TMEM260: variants seen among roughly 807,000 people sequenced by gnomAD.
TMEM260 encodes the protein transmembrane protein 260.
Under a neutral mutation model 88.9 loss-of-function variants are expected in TMEM260, and 82 were observed. That is an observed-to-expected ratio of 0.92 (90% CI 0.77 to 1.11). The LOEUF is 1.11. Ranked by LOEUF, TMEM260 falls within the 50% of genes least tolerant of loss-of-function variation. TMEM260 has a pLI of 0.00. For synonymous variants in TMEM260, 314 were observed against 309.3 expected (o/e 1.02, Z -0.16); for missense variants, 902 against 853.4 (o/e 1.06, Z -0.71).
intron 12 of TMEM260, 115 bp from the exon 13 acceptor site, chr14:56,632,880 A>G: frequency 2.1e-6 from 2 of 969,340 alleles, no homozygotes; most frequent in Non-Finnish European, 3.0e-6. Flanking sequence ...TTCCAAAATC[A>G]TATAGGTAAT....
At chr14:56,581,464 A>G (rs1000651529) in intron 1 of TMEM260, among the ~76,000 whole-genome samples, 5 of 152,324 alleles carry the variant, frequency 3.3e-5, no homozygotes, top group Admixed American at 2.6e-4. Context: ...TCATAATGGA[A>G]GTAACTTTAT....
At chr14:56,643,248 C>CA (rs1399937781) in intron 15 of TMEM260, among the ~76,000 whole-genome samples, 1 of 152,112 alleles carries the variant, frequency 6.6e-6, no homozygotes, top group Non-Finnish European at 1.5e-5. Context: ...AACATTGATG[C>CA]AAAAATCCTC....
At chr14:56,653,737 A>AAAACAAAAAAAAAAC (rs1221633458), downstream of TMEM260, among the ~76,000 whole-genome samples, 13 of 83,862 alleles carry the variant, frequency 1.6e-4, no homozygotes, top group African/African-American at 5.5e-4. Context: ...TCTTGTCTCC[A>AAAACAAAAAAAAAAC]AAACAAAAAA....
chr14:56,639,424 A>T (rs1889390611), intron 15 of TMEM260, among the ~76,000 whole-genome samples: 1 of 152,202 alleles, frequency 6.6e-6, no homozygotes, highest in Non-Finnish European at 1.5e-5. Context: ...GTACCTTATA[A>T]ATATATACAC....
intron 13 of TMEM260, among the ~76,000 whole-genome samples, chr14:56,634,024 A>C (rs941025679): frequency 2.0e-5 from 3 of 152,240 alleles, no homozygotes; most frequent in African/African-American, 4.8e-5. Context: ...TGCAGCCGTC[A>C]TGAGAAAAAG....
intron 1 of TMEM260, among the ~76,000 whole-genome samples, 195 bp from the exon 2 acceptor site, chr14:56,584,806 C>G (rs1203599175): frequency 6.6e-6 from 1 of 152,074 alleles, no homozygotes; most frequent in Admixed American, 6.6e-5. Context: ...TAAAGACTAT[C>G]AAAGATAGTT....
chr14:56,637,334 G>C (rs550681178), intron 15 of TMEM260, among the ~76,000 whole-genome samples: 4 of 152,292 alleles, frequency 2.6e-5, no homozygotes, highest in South Asian at 2.1e-4. Context: ...GAGATTTCAC[G>C]AGAAGAGATG....
intron 4 of TMEM260, 141 bp downstream of exon 4, chr14:56,604,133 C>A: frequency 1.2e-6 from 1 of 805,954 alleles, no homozygotes; most frequent in Non-Finnish European, 1.8e-6. Context: ...AGAAAATGAT[C>A]TCAGTCTTTT....
At chr14:56,587,990 C>T (rs1231457472) in intron 3 of TMEM260, among the ~76,000 whole-genome samples, 2 of 152,196 alleles carry the variant, frequency 1.3e-5, no homozygotes, top group Admixed American at 6.5e-5. Context: ...ATAAACCCAA[C>T]AGCAGGACAC....
chr14:56,632,258 G>C (rs1320849569), intron 12 of TMEM260, among the ~76,000 whole-genome samples: 3 of 152,122 alleles, frequency 2.0e-5, no homozygotes, highest in African/African-American at 7.2e-5. Context: ...CTTCTGCTGT[G>C]CCCTTCCTGT....
chr14:56,653,735 C>CAAAAAAAAAAAAAAAAA, downstream of TMEM260, among the ~76,000 whole-genome samples: 1 of 11,008 alleles, frequency 9.1e-5, no homozygotes, highest in South Asian at 3.4e-3. Context: ...ACTCTTGTCT[C>CAAAAAAAAAAAAAAAAA]CAAAACAAAA....
chr14:56,618,995 A>G (rs1249709467), intron 10 of TMEM260, among the ~76,000 whole-genome samples: 1 of 152,208 alleles, frequency 6.6e-6, no homozygotes, highest in Non-Finnish European at 1.5e-5. Flanking sequence ...GTGCGTGTAG[A>G]CAATTTGTAT....
rs145819620 is a variant in TMEM260 at position 56,593,491 on chromosome 14, A to G, written c.344+7579A>G. Among the ~76,000 whole-genome samples, 495 of 152,096 alleles carry G rather than the reference A, an allele frequency of 3.3e-3. 7 individuals are homozygous for G. Among genetic ancestry groups the G allele is most frequent in the Admixed American group, 0.025 (383 of 15,262 alleles). On this transcript the variant is annotated intron_variant, in intron 3 of 15. Transcript: ENST00000261556. ...ATCTACTTCAAACATACTGTAAAGT[A>G]TATTTTTTATATAAAGTATAAAATT...
intron 10 of TMEM260, 135 bp downstream of exon 10, chr14:56,618,898 G>C: frequency 1.2e-6 from 1 of 837,594 alleles, no homozygotes. Flanking sequence ...GAATGCAGTA[G>C]TTCTTTAACT....
chr14:56,657,534 C>G, the TMEM260 span, among the ~76,000 whole-genome samples: 2 of 152,182 alleles, frequency 1.3e-5, no homozygotes, highest in African/African-American at 4.8e-5. Context: ...GGGAACCAGA[C>G]AAGGGCCCTG....
At chr14:56,636,006 G>A (rs972774527) in intron 14 of TMEM260, among the ~76,000 whole-genome samples, 4 of 151,970 alleles carry the variant, frequency 2.6e-5, no homozygotes, top group Non-Finnish European at 5.9e-5. Flanking sequence ...TTGAATGTGG[G>A]AAAGCGGGGA....
intron 15 of TMEM260, among the ~76,000 whole-genome samples, chr14:56,644,838 T>C (rs1205221574): frequency 6.6e-6 from 1 of 152,082 alleles, no homozygotes; most frequent in Non-Finnish European, 1.5e-5. Context: ...GGGTGAAGGA[T>C]ATAAACAGAC....
At chr14:56,652,317 G>A (rs554731054), downstream of TMEM260, among the ~76,000 whole-genome samples, 1 of 152,118 alleles carries the variant, frequency 6.6e-6, no homozygotes, top group African/African-American at 2.4e-5. Context: ...GCAACATGGT[G>A]AAACCTGGTC....
chr14:56,633,305 A>G, intron 13 of TMEM260, 134 bp downstream of exon 13: 2 of 643,174 alleles, frequency 3.1e-6, no homozygotes, highest in Non-Finnish European at 5.1e-6. Flanking sequence ...TACCCACAAA[A>G]TACCATAAAA....
Sources: allele counts gnomAD v4.1 joint callset (sites outside exome capture counted in the v4.1 genomes callset), GRCh38; gene constraint gnomAD v4.1.1; transcripts MANE v1.5; gene names NCBI Gene and HGNC (gene_info 2026-07-23, HGNC 2026-07-21).